Variants in WNK1 observed in about 807,000 individuals in gnomAD.
WNK1 encodes WNK lysine deficient protein kinase 1.
WNK1 carries 38 observed loss-of-function variants against 222.8 expected under a neutral mutation model. That is an observed-to-expected ratio of 0.17 (90% CI 0.13 to 0.22). The LOEUF (loss-of-function observed/expected upper bound fraction) is 0.22. Ranked by LOEUF, WNK1 falls within the 10% of genes least tolerant of loss-of-function variation. The probability of loss-of-function intolerance (pLI) is 1.00; values close to 1 mark genes in which losing one functional copy is unlikely to be tolerated. For missense variants in WNK1, 2,348 were observed against 2,918.4 expected, an observed-to-expected ratio of 0.80 and a Z score of 4.50; for synonymous variants, 1,090 against 1,092.9, an observed-to-expected ratio of 1.00 and a Z score of 0.05.
intron 4 of WNK1, among the ~76,000 whole-genome samples, chr12:838,728 C>T (rs910428743): frequency 1.3e-5 from 2 of 152,014 alleles, no homozygotes; most frequent in Non-Finnish European, 2.9e-5. Context: ...GTCTTCTGTT[C>T]TTAAAAGGAC....
In WNK1 at chr12:894,644, G is replaced by A. The variant is rs1954579873; in HGVS notation, c.5583+9G>A. ...AGATGGGACGATTTCAGGTAAGACAGTCACTTTGTGTTGCCTTGATTCCTT... is the reference window on the plus strand; with the variant it reads ...AGATGGGACGATTTCAGGTAAGACAATCACTTTGTGTTGCCTTGATTCCTT... On this transcript the variant is annotated intron_variant, in intron 23 of 27. Coordinates refer to ENST00000315939, the MANE Select transcript of WNK1 (RefSeq NM_018979.4). 1 of 1,612,990 alleles carries A rather than the reference G, an allele frequency of 6.2e-7. No homozygotes were observed. The highest frequency in any genetic ancestry group is 8.5e-7 in the Non-Finnish European group (1 of 1,179,016).
In WNK1 at chr12:801,278, G is replaced by C. The variant is rs539114216; in HGVS notation, c.760-12364G>C. Among the ~76,000 whole-genome samples, 209 of 152,312 alleles carry C rather than the reference G, an allele frequency of 1.4e-3. 1 individual carries two copies. Among genetic ancestry groups the C allele is most frequent in the Non-Finnish European group, 2.6e-3 (179 of 68,018 alleles). ...ATGTTGAGTCACCTTTCAATATGGA[G>C]GGACAAGCCTGTTCTTTGGTGTCAC... On this transcript the variant is annotated intron_variant, in intron 1 of 27. Coordinates refer to ENST00000315939, the MANE Select transcript of WNK1 (RefSeq NM_018979.4).
intron 4 of WNK1, among the ~76,000 whole-genome samples, chr12:847,176 C>T (rs1950081849): frequency 6.6e-6 from 1 of 151,998 alleles, no homozygotes; most frequent in Non-Finnish European, 1.5e-5. Flanking sequence ...AAAAGCTGAC[C>T]TTACTTACCT....
At chr12:800,685 T>C (rs1469288666) in intron 1 of WNK1, among the ~76,000 whole-genome samples, 2 of 152,144 alleles carry the variant, frequency 1.3e-5, no homozygotes, top group African/African-American at 2.4e-5. Flanking sequence ...TTAGAGCTCA[T>C]AGTAAGCCTC....
intron 1 of WNK1, among the ~76,000 whole-genome samples, chr12:780,876 G>C (rs571751373): frequency 1.3e-5 from 2 of 152,250 alleles, no homozygotes; most frequent in South Asian, 4.1e-4. Context: ...AGTCAAAAAG[G>C]ATTTTTACCT....
chr12:773,827 G>T (rs1357663419), intron 1 of WNK1, among the ~76,000 whole-genome samples: 1 of 152,016 alleles, frequency 6.6e-6, no homozygotes, highest in Non-Finnish European at 1.5e-5. Context: ...TTTAATAGCT[G>T]CTTGACAGTT....
chr12:838,090 TGTG>T (rs1949341574), intron 4 of WNK1, among the ~76,000 whole-genome samples: 1 of 151,744 alleles, frequency 6.6e-6, no homozygotes, highest in African/African-American at 2.4e-5. Flanking sequence ...TGTGTGTGTG[TGTG>T]TGTGTGTGTG....
intron 1 of WNK1, among the ~76,000 whole-genome samples, chr12:757,359 C>CTCCG (rs1555072073): frequency 3.2e-5 from 4 of 125,524 alleles, no homozygotes; most frequent in South Asian, 2.6e-4. Context: ...CGGAGTCTTG[C>CTCCG]TCTATCTCCA....
At chr12:895,046 TTAAG>T (rs767379624) in intron 23 of WNK1, among the ~76,000 whole-genome samples, 16 of 108,150 alleles carry the variant, frequency 1.5e-4, no homozygotes, top group Admixed American at 3.2e-4. Flanking sequence ...ACATAATAAG[TTAAG>T]TAACAGCAAA....
At chr12:828,293 A>C (rs1351329502) in intron 3 of WNK1, among the ~76,000 whole-genome samples, 1 of 152,112 alleles carries the variant, frequency 6.6e-6, no homozygotes, top group Non-Finnish European at 1.5e-5. Context: ...GCAACAGAGC[A>C]AGACTCCATC....
At chr12:805,552 G>A (rs1946300098) in intron 1 of WNK1, among the ~76,000 whole-genome samples, 1 of 152,162 alleles carries the variant, frequency 6.6e-6, no homozygotes, top group South Asian at 2.1e-4. Flanking sequence ...GTTTTTGACA[G>A]TGCAAACCAA....
chr12:865,006 A>G, intron 8 of WNK1: 2 of 1,376,668 alleles, frequency 1.5e-6, no homozygotes, highest in Admixed American at 2.9e-5. Context: ...TTGGGAGAGG[A>G]TGGAACATTT....
intron 1 of WNK1, among the ~76,000 whole-genome samples, chr12:785,464 G>A (rs1465104666): frequency 1.5e-5 from 2 of 136,836 alleles, no homozygotes; most frequent in Admixed American, 1.7e-4. Context: ...GCAATGGTGT[G>A]ATCTTGGCTC....
chr12:810,511 G>T (rs1340950382), intron 1 of WNK1, among the ~76,000 whole-genome samples: 1 of 152,166 alleles, frequency 6.6e-6, no homozygotes, highest in African/African-American at 2.4e-5. Context: ...GGATACAGTT[G>T]TTAGCTGTAA....
At chr12:842,044 G>A (rs1053641982) in intron 4 of WNK1, among the ~76,000 whole-genome samples, 5 of 152,126 alleles carry the variant, frequency 3.3e-5, no homozygotes, top group Admixed American at 2.6e-4. Context: ...TTATTATATC[G>A]TTGTTTGTAT....
At chr12:793,308 A>T (rs1945015631) in intron 1 of WNK1, among the ~76,000 whole-genome samples, 2 of 152,210 alleles carry the variant, frequency 1.3e-5, no homozygotes, top group Admixed American at 1.3e-4. Context: ...TATAAAGTAG[A>T]GTTTACTGAA....
intron 9 of WNK1, among the ~76,000 whole-genome samples, chr12:877,000 G>GA (rs1377971890): frequency 7.3e-6 from 1 of 137,254 alleles, no homozygotes; most frequent in Non-Finnish European, 1.6e-5. Flanking sequence ...TTGTATTAAA[G>GA]AAAAAATATA....
chr12:854,355 C>CATTTTT (rs1555127000), intron 4 of WNK1, among the ~76,000 whole-genome samples: 1 of 97,742 alleles, frequency 1.0e-5, no homozygotes, highest in Non-Finnish European at 1.9e-5. Flanking sequence ...TTATCATTAT[C>CATTTTT]TTTTTTTTTT....
Position 884,231 on chromosome 12 carries a change from A to G in WNK1, c.3832A>G (p.Ile1278Val). 2 of 1,614,172 alleles carry G rather than the reference A, an allele frequency of 1.2e-6. No individual in the cohort carries two copies. The highest frequency in any genetic ancestry group is 1.7e-6 in the Non-Finnish European group (2 of 1,180,000). Reference sequence around the variant, plus strand: ...AGAATCAAAAGTTTTCCCCAGTGAAATAACAGATACAGGTAAGGGATTGAT... The same window carrying G: ...AGAATCAAAAGTTTTCCCCAGTGAAGTAACAGATACAGGTAAGGGATTGAT... ...LRESKVFPSEITDTVAASTAQ... is the reference protein window; with the variant it reads ...LRESKVFPSEVTDTVAASTAQ... Residue 1278 changes from isoleucine (I) to valine (V), a missense_variant, in exon 18 of 28, where the codon ATA becomes GTA. This residue lies in a region of WNK1 where 1,144 missense variants were observed against 1,273.6 expected (regional missense o/e 0.90). Transcript: ENST00000315939. This position sits in a 1 kb window ranked among gnomAD's most constrained non-coding sequence, Gnocchi z 5.6.
Sources: allele counts gnomAD v4.1 joint callset (sites outside exome capture counted in the v4.1 genomes callset), GRCh38; gene constraint gnomAD v4.1.1; regional missense constraint gnomAD v4.1.1; non-coding constraint Gnocchi (gnomAD v3.1); transcripts MANE v1.5; gene names NCBI Gene and HGNC (gene_info 2026-07-23, HGNC 2026-07-21).